Variants in PLB1 observed in about 807,000 individuals in gnomAD.
PLB1 encodes phospholipase B1, membrane-associated.
In PLB1, 242 loss-of-function variants were observed where a neutral mutation model predicts 227.4. The ratio of observed to expected loss-of-function variants is 1.06; its 90% CI spans 0.96 to 1.18. The LOEUF is 1.18. PLB1 is among the 50% of genes most tolerant of loss of function. The probability of loss-of-function intolerance (pLI) is 0.00; values close to 1 mark genes in which losing one functional copy is unlikely to be tolerated. For missense variants in PLB1, 1,858 were observed against 1,816.3 expected (o/e 1.02, Z -0.42); for synonymous variants, 757 against 682.2 (o/e 1.11, Z -1.71).
At chr2:28,558,327 A>ATT (rs1224540877) in intron 17 of PLB1, among the ~76,000 whole-genome samples, 2 of 151,966 alleles carry the variant, frequency 1.3e-5, no homozygotes, top group East Asian at 3.9e-4. Context: ...TTCCCCTAAC[A>ATT]TTTGCATACG....
rs940647461 is a variant in PLB1 at position 28,613,975 on chromosome 2, T to A, written c.3130-56T>A. 6 of 1,442,470 alleles carry A rather than the reference T, an allele frequency of 4.2e-6. No homozygotes were observed. In the Admixed American group the frequency reaches 5.0e-5, roughly 12 times the overall value. 89.4% of individuals were successfully genotyped at this position (1,442,470 alleles called of 1,614,324 possible). A position where few individuals can be genotyped will look rare whatever the true frequency, so the allele number is the denominator to read the frequency against. On this transcript the variant is annotated intron_variant, in intron 43 of 57. Transcript: ENST00000327757. The stretch of plus-strand genomic sequence containing the variant: ...GCAGGATTGTTAGTTTTTCTCCTTC[T>A]CAAGCAAACTTCAGTGCTGTCAGAT...
chr2:28,583,120 C>T (rs1680327639), intron 25 of PLB1, among the ~76,000 whole-genome samples: 1 of 152,152 alleles, frequency 6.6e-6, no homozygotes, highest in Non-Finnish European at 1.5e-5. Flanking sequence ...GAGCTGGCTT[C>T]CCCTTCTAAT....
chr2:28,583,763 C>G (rs996192017), intron 25 of PLB1, among the ~76,000 whole-genome samples: 5 of 152,050 alleles, frequency 3.3e-5, no homozygotes, highest in African/African-American at 9.6e-5. Context: ...CTAAGACCTG[C>G]GTGCATTACT....
chr2:28,502,346 A>C (rs1667196810), intron 1 of PLB1, among the ~76,000 whole-genome samples: 1 of 152,228 alleles, frequency 6.6e-6, no homozygotes, highest in South Asian at 2.1e-4. Flanking sequence ...ATACATACAT[A>C]CATAACATAT....
In PLB1 at chr2:28,632,380, C is replaced by T. The variant is rs571676407; in HGVS notation, c.4002+240C>T. Among the ~76,000 whole-genome samples the T allele has an allele frequency of 2.3e-3, 321 of 139,048 alleles. 1 individual carries two copies. Among genetic ancestry groups the T allele is most frequent in the Non-Finnish European group, 3.9e-3 (247 of 62,976 alleles). 91.2% of individuals were successfully genotyped at this position (139,048 alleles called of 152,430 possible). ...CTCCCAGGCCTGGCCCTGATGTTTTCTGGATTGGGATAGAATGGAAAGCTT... is the reference window on the plus strand; with the variant it reads ...CTCCCAGGCCTGGCCCTGATGTTTTTTGGATTGGGATAGAATGGAAAGCTT... On this transcript the variant is annotated intron_variant, in intron 55 of 57. Coordinates refer to ENST00000327757, the MANE Select transcript of PLB1 (RefSeq NM_153021.5).
intron 4 of PLB1, among the ~76,000 whole-genome samples, chr2:28,524,828 TTCTCTC>T (rs912911474): frequency 1.4e-5 from 2 of 147,498 alleles, no homozygotes; most frequent in Non-Finnish European, 1.5e-5. Context: ...TCTCTGTAGG[TTCTCTC>T]TCTCTCTCTC....
At chr2:28,539,516 A>G (rs1032255103) in intron 11 of PLB1, among the ~76,000 whole-genome samples, 1 of 152,218 alleles carries the variant, frequency 6.6e-6, no homozygotes, top group African/African-American at 2.4e-5. Flanking sequence ...ACTTCTGGAA[A>G]TTGGATAGAA....
intron 16 of PLB1, among the ~76,000 whole-genome samples, chr2:28,550,679 T>C (rs1009287538): frequency 2.0e-5 from 3 of 151,702 alleles, no homozygotes; most frequent in Admixed American, 6.6e-5. Flanking sequence ...TAGCTGGGAT[T>C]ATAGGCGCGC....
intron 49 of PLB1, among the ~76,000 whole-genome samples, chr2:28,623,647 A>AT (rs1687345048): frequency 3.3e-5 from 5 of 152,040 alleles, no homozygotes; most frequent in Non-Finnish European, 7.4e-5. Context: ...CCACCCAAAG[A>AT]TTTTCAGTGG....
intron 23 of PLB1, among the ~76,000 whole-genome samples, 184 bp downstream of exon 23, chr2:28,579,891 G>A (rs76595988): frequency 0.078 from 11,796 of 152,166 alleles, 682 homozygotes; most frequent in African/African-American, 0.16. Context: ...CATTCAGCTG[G>A]GCAAGCAGGA....
chr2:28,571,424 G>C (rs1385482023), intron 20 of PLB1, among the ~76,000 whole-genome samples: 1 of 152,104 alleles, frequency 6.6e-6, no homozygotes. Context: ...ATTCCAGCTA[G>C]CTCCTTTGCA....
chr2:28,631,481 C>T (rs1440753748), intron 54 of PLB1, among the ~76,000 whole-genome samples: 1 of 152,212 alleles, frequency 6.6e-6, no homozygotes, highest in Non-Finnish European at 1.5e-5. Flanking sequence ...CATCTTGGCT[C>T]ATTTTTCCAG....
intron 26 of PLB1, among the ~76,000 whole-genome samples, chr2:28,588,191 A>C (rs1012280628): frequency 5.0e-4 from 76 of 152,074 alleles, no homozygotes; most frequent in Middle Eastern, 3.4e-3. Flanking sequence ...TCTACACACT[A>C]TTTCTTTCCA....
At chr2:28,611,416 C>T (rs1179963181) in intron 43 of PLB1, among the ~76,000 whole-genome samples, 1 of 152,192 alleles carries the variant, frequency 6.6e-6, no homozygotes, top group Non-Finnish European at 1.5e-5. Context: ...TGAGTCTGGG[C>T]TCCTTTGACG....
chr2:28,625,247 T>C, intron 50 of PLB1, 139 bp downstream of exon 50: 1 of 781,452 alleles, frequency 1.3e-6, no homozygotes, highest in South Asian at 1.8e-5. Context: ...AAGCAGTCCT[T>C]ACCAAGGAGG....
chr2:28,504,941 T>C (rs1050333953), intron 1 of PLB1, among the ~76,000 whole-genome samples: 3 of 152,090 alleles, frequency 2.0e-5, no homozygotes, highest in Admixed American at 6.6e-5. Flanking sequence ...AATGTACTTA[T>C]GAGATTCTTT....
rs1684325220 is a variant in PLB1 at position 28,604,207 on chromosome 2, G to A, written c.2856+160G>A. ...GTGCCTTCCTCTGTCTCACGTGACT[G>A]TGGTGTCTCAGGTGCCCTGGTTGGA... On this transcript the variant is annotated intron_variant, in intron 40 of 57. Coordinates refer to ENST00000327757, the MANE Select transcript of PLB1 (RefSeq NM_153021.5). 2.0e-5 allele frequency among the ~76,000 whole-genome samples: 3 copies of A among 152,210 alleles called. No homozygotes were observed. The South Asian group carries it at 6.2e-4, about 31-fold the overall frequency.
chr2:28,536,170 G>A (rs1447404990), intron 9 of PLB1, among the ~76,000 whole-genome samples: 1 of 152,180 alleles, frequency 6.6e-6, no homozygotes, highest in Non-Finnish European at 1.5e-5. Flanking sequence ...CTCATTTAAT[G>A]GGAAATAAAC....
intron 1 of PLB1, among the ~76,000 whole-genome samples, chr2:28,509,612 G>A (rs572899105): frequency 3.3e-5 from 5 of 152,300 alleles, no homozygotes; most frequent in African/African-American, 9.6e-5. Flanking sequence ...CTGTTTCTCA[G>A]AGCATACACA....
Sources: gnomAD v4.1 joint callset for allele counts (sites outside exome capture counted in the v4.1 genomes callset) on GRCh38, gnomAD v4.1.1 for gene constraint, MANE v1.5 for transcripts, NCBI Gene and HGNC (gene_info 2026-07-23, HGNC 2026-07-21) for gene names.